KNDC1: variants seen among roughly 807,000 people sequenced by gnomAD.
KNDC1 encodes kinase non-catalytic C-lobe domain-containing protein 1.
KNDC1 carries 106 observed loss-of-function variants against 172.8 expected under a neutral mutation model. That is an observed-to-expected ratio of 0.61 (90% CI 0.52 to 0.72). The LOEUF is 0.72. KNDC1 is among the 30% of genes least tolerant of loss of function. The pLI is 0.00. For synonymous variants in KNDC1, 1,083 were observed against 1,062.2 expected (o/e 1.02, Z -0.38); for missense variants, 2,325 against 2,394.5 (o/e 0.97, Z 0.61).
At position 133,224,843 on chromosome 10, in the gene KNDC1, CG is replaced by C; in HGVS notation, c.5205del (p.Lys1736ArgfsTer9). The C allele has an allele frequency of 6.2e-7, 1 of 1,614,036 alleles. No individual in the cohort carries two copies. On this transcript the variant is annotated frameshift_variant, in exon 30 of 30. Coordinates refer to ENST00000304613, the MANE Select transcript of KNDC1 (RefSeq NM_152643.8). LOFTEE classifies it high-confidence loss of function. The surrounding 1 kb of genome is among the most constrained non-coding windows in gnomAD (Gnocchi z 5.4). ...FHQVSSEKHSRKIQDKLRRMK... is the reference protein window; with the variant it reads ...FHQVSSEKHSXKIQDKLRRMK... Reference sequence around the variant, plus strand: ...CCAGGTCTCCAGCGAGAAGCACTCACGGAAGATTCAGGACAAGCTACGGAGG... The same window carrying C: ...CCAGGTCTCCAGCGAGAAGCACTCACGAAGATTCAGGACAAGCTACGGAGG...
At chr10:133,181,861 C>CACACACAG (rs33923925) in intron 3 of KNDC1, among the ~76,000 whole-genome samples, 1 of 151,404 alleles carries the variant, frequency 6.6e-6, no homozygotes, top group Non-Finnish European at 1.5e-5. Context: ...CACACACACA[C>CACACACAG]CAGACTGTGG....
rs1021264035 is a variant in KNDC1 at position 133,163,507 on chromosome 10, G to A, written c.102+2938G>A. 1.3e-5 allele frequency among the ~76,000 whole-genome samples: 2 copies of A among 152,172 alleles called. No individual in the cohort carries two copies. Among genetic ancestry groups the A allele is most frequent in the East Asian group, 1.9e-4 (1 of 5,206 alleles). ...CCTCGGGAGCAGAGGTGGTTTTGTG[G>A]TGGGGGCCTGGCAGTGTGAAGAGAG... On this transcript the variant is annotated intron_variant, in intron 1 of 29. Coordinates refer to ENST00000304613, the MANE Select transcript of KNDC1 (RefSeq NM_152643.8). This position sits in a 1 kb window ranked among gnomAD's most constrained non-coding sequence, Gnocchi z 4.4.
At chr10:133,218,566 T>C (rs1394983844) in intron 26 of KNDC1, among the ~76,000 whole-genome samples, 2 of 152,206 alleles carry the variant, frequency 1.3e-5, no homozygotes, top group African/African-American at 4.8e-5. Context: ...TTTTGAGAAG[T>C]GAGGGTGGAC....
rs113859265 is a variant in KNDC1, at chr10:133,197,856, G to A, written c.1906+88G>A. On this transcript the variant is annotated intron_variant, in intron 12 of 29. Transcript: ENST00000304613. ...CACCTCTGCATGGACAGACACAGCC[G>A]GGCACCTCTCGGAAACCCGGGAAGC... The A allele has an allele frequency of 7.2e-4, 782 of 1,085,772 alleles. 3 individuals are homozygous for A. The African/African-American group carries it at 7.9e-3, about 11-fold the overall frequency. The allele number at this position is 1,085,772 out of a possible 1,614,324, so 67.3% of individuals were successfully genotyped here. A position where few individuals can be genotyped will look rare whatever the true frequency, so the allele number is the denominator to read the frequency against.
intron 9 of KNDC1, among the ~76,000 whole-genome samples, chr10:133,194,407 G>C (rs1399623037): frequency 6.6e-6 from 1 of 152,216 alleles, no homozygotes; most frequent in Non-Finnish European, 1.5e-5. Context: ...CAATGGCGAT[G>C]TGCTGGCTGA....
chr10:133,194,916 G>A (rs1226343113), intron 9 of KNDC1, among the ~76,000 whole-genome samples: 3 of 152,194 alleles, frequency 2.0e-5, no homozygotes, highest in East Asian at 3.8e-4. Context: ...TATCAACCGC[G>A]ACCATCTGAT....
Position 133,212,865 on chromosome 10 carries a change from C to T in KNDC1, c.4386C>T (p.Tyr1462=). The T allele has an allele frequency of 6.2e-7, 1 of 1,613,972 alleles. No individual in the cohort carries two copies. Among genetic ancestry groups the T allele is most frequent in the South Asian group, 1.1e-5 (1 of 91,088 alleles). Residue 1462 remains tyrosine (Y), a synonymous_variant, in exon 24 of 30, where the codon TAC becomes TAT. Transcript: ENST00000304613. ...CCAAGACCAGTGAGAAGGGGCCCTA[C>T]TTCCTGACGGAGTACAGCACTCACC... ...PCAKTSEKGP[Y]FLTEYSTHQL...
Position 133,186,359 on chromosome 10 carries a change from C to A in KNDC1, c.1011C>A (p.Phe337Leu), listed in dbSNP as rs1853916490. ...GKSQLPISEL[F>L]SPDPRKAFLD... ...GCCAGCTGCCCATATCGGAATTATTCTCTCCGGACCCCAGGAAGGCCTTTC... is the reference window on the plus strand; with the variant it reads ...GCCAGCTGCCCATATCGGAATTATTATCTCCGGACCCCAGGAAGGCCTTTC... The change falls in exon 6 of 30, where the codon TTC becomes TTA. Residue 337 changes from phenylalanine to leucine, a missense_variant. Physicochemically the swap from Phe to Leu is conservative, Grantham distance 22. Transcript: ENST00000304613. 4 of 1,612,644 alleles carry A rather than the reference C, an allele frequency of 2.5e-6. 1 individual carries two copies. The South Asian group carries it at 3.3e-5, about 13-fold the overall frequency.
At chr10:133,201,929 G>A (rs1854386722) in intron 17 of KNDC1, 31 bp downstream of exon 17, 1 of 1,520,834 alleles carries the variant, frequency 6.6e-7, no homozygotes, top group South Asian at 1.2e-5. Context: ...CTGCCGGGTG[G>A]GGCAGGGCGT....
At chr10:133,176,288 G>A (rs989367272) in intron 3 of KNDC1, among the ~76,000 whole-genome samples, 1 of 151,702 alleles carries the variant, frequency 6.6e-6, no homozygotes, top group Non-Finnish European at 1.5e-5. Flanking sequence ...ATGGGGGATG[G>A]GCAGATGGAT....
At chr10:133,205,996 T>C (rs551414193) in intron 17 of KNDC1, among the ~76,000 whole-genome samples, 8 of 150,814 alleles carry the variant, frequency 5.3e-5, no homozygotes, top group Admixed American at 4.0e-4. Context: ...AGGTCGGGAG[T>C]TCAAGACCAG....
chr10:133,198,489 A>T lies in KNDC1; in HGVS notation c.2059A>T (p.Ser687Cys). 1 of 1,604,852 alleles carries T rather than the reference A, an allele frequency of 6.2e-7. No homozygotes were observed. ...GCCCATTGTCCTCGCGCAGAACGCAAGTGTGGCCAGGTGAGCATCGTCCCC... is the reference window on the plus strand; with the variant it reads ...GCCCATTGTCCTCGCGCAGAACGCATGTGTGGCCAGGTGAGCATCGTCCCC... ...FKPIVLAQNASVARDQPALAQ... is the reference protein window; with the variant it reads ...FKPIVLAQNACVARDQPALAQ... The change falls in exon 13 of 30, where the codon AGT becomes TGT. Residue 687 changes from serine (S) to cysteine (C), a missense_variant. Ser to Cys is a moderately radical substitution (Grantham distance 112). Transcript: ENST00000304613.
chr10:133,191,361 C>T (rs972502594), intron 9 of KNDC1, among the ~76,000 whole-genome samples: 6 of 151,792 alleles, frequency 4.0e-5, no homozygotes, highest in African/African-American at 7.3e-5. Context: ...CATGCTACTA[C>T]ACTCCAGCCT....
Position 133,207,193 on chromosome 10 carries a change from C to G in KNDC1, c.3636C>G (p.Asn1212Lys). 6.2e-7 allele frequency: 1 copy of G among 1,610,762 alleles called. No homozygotes were observed. ...CCTGCACCCTCCCAGTGATCGTGAA[C>G]ATCGCGGCCGCACCCTGCGACACGC... ...LEPCTLPVIV[N>K]IAAAPCDTLD... is the part of the protein sequence containing the mutation. Residue 1212 changes from asparagine (N) to lysine (K), a missense_variant, in exon 20 of 30, where the codon AAC becomes AAG. Physicochemically the swap from Asn to Lys is moderately conservative, Grantham distance 94 (BLOSUM62 0). Coordinates refer to ENST00000304613, the MANE Select transcript of KNDC1 (RefSeq NM_152643.8).
At chr10:133,195,222 G>A (rs1172238674) in intron 9 of KNDC1, among the ~76,000 whole-genome samples, 1 of 152,246 alleles carries the variant, frequency 6.6e-6, no homozygotes, top group Non-Finnish European at 1.5e-5. Flanking sequence ...CAGGCGGTGT[G>A]TTCGCTCGGA....
chr10:133,180,901 T>C (rs1853698063), intron 3 of KNDC1, among the ~76,000 whole-genome samples: 1 of 152,266 alleles, frequency 6.6e-6, no homozygotes, highest in Admixed American at 6.5e-5. Flanking sequence ...GTGAGTTTAC[T>C]CTAACAGATT....
chr10:133,185,916 AGGAGAGGGGAGGG>A, intron 5 of KNDC1, 45 bp from the exon 6 acceptor site: 5 of 1,019,942 alleles, frequency 4.9e-6, no homozygotes, highest in Non-Finnish European at 6.4e-6. Context: ...GAGGGGCGGG[AGGAGAGGGGAGGG>A]GCGGGAGGGG....
intron 3 of KNDC1, among the ~76,000 whole-genome samples, chr10:133,181,861 C>CACACACACACACA (rs33923925): frequency 1.3e-5 from 2 of 151,502 alleles, no homozygotes; most frequent in Admixed American, 6.6e-5. Flanking sequence ...CACACACACA[C>CACACACACACACA]CAGACTGTGG....
intron 29 of KNDC1, among the ~76,000 whole-genome samples, chr10:133,221,805 G>T (rs796783386): frequency 6.6e-6 from 1 of 152,072 alleles, no homozygotes; most frequent in Non-Finnish European, 1.5e-5. Flanking sequence ...GGCCAGACGC[G>T]GCGGCTCACG....
Sources: allele counts gnomAD v4.1 joint callset (sites outside exome capture counted in the v4.1 genomes callset), GRCh38; gene constraint gnomAD v4.1.1; non-coding constraint Gnocchi (gnomAD v3.1); transcripts MANE v1.5; gene names NCBI Gene and HGNC (gene_info 2026-07-23, HGNC 2026-07-21).